Variants in CKAP4 observed in about 807,000 individuals in gnomAD.
CKAP4 encodes the protein cytoskeleton associated protein 4, also known as cytoskeleton-associated protein 4.
A neutral mutation model predicts 24.4 loss-of-function variants in CKAP4; 20 were observed. The ratio of observed to expected loss-of-function variants is 0.82; its 90% CI spans 0.58 to 1.19. The LOEUF is 1.19. Ranked by LOEUF, CKAP4 falls within the 50% of genes most tolerant of loss-of-function variation. The pLI, the probability that CKAP4 is intolerant of heterozygous loss-of-function variation, is 0.00. For missense variants in CKAP4, 744 were observed against 765.3 expected, an observed-to-expected ratio of 0.97 and a Z score of 0.33; for synonymous variants, 378 against 351.7, an observed-to-expected ratio of 1.07 and a Z score of -0.84.
rs1280882764 is a variant in CKAP4 at position 106,247,360 on chromosome 12, G to A, written c.483+9C>T. 6.6e-6 allele frequency: 10 copies of A among 1,521,098 alleles called. No homozygotes were observed. The highest frequency in any genetic ancestry group is 8.8e-6 in the Non-Finnish European group (10 of 1,138,492). 94.2% of individuals were successfully genotyped at this position (1,521,098 alleles called of 1,614,324 possible). ...CGATGGGGACAGTTGCGGGGCCGGG[G>A]GTACCCACCTTCTGCTCGACGCCCT... On this transcript the variant is annotated intron_variant, in intron 1 of 1. Transcript: ENST00000378026. This position sits in a 1 kb window ranked among gnomAD's most constrained non-coding sequence, Gnocchi z 4.5.
rs1443988651 is a variant in CKAP4 at position 106,247,508 on chromosome 12, G to A, written c.344C>T (p.Ala115Val). 1.9e-6 allele frequency: 3 copies of A among 1,542,878 alleles called. No individual in the cohort carries two copies. The highest frequency in any genetic ancestry group is 1.9e-5 in the Admixed American group (1 of 51,480). ...GRALNFLFYL[A>V]LVAAAAFSGW... ...CGAGAAAGCGGCCGCCGCCACCAGG[G>A]CGAGGTAGAAGAGAAAGTTGAGCGC... Residue 115 changes from alanine (A) to valine (V), a missense_variant, in exon 1 of 2, where the codon GCC (alanine) becomes GTC (valine). Coordinates refer to ENST00000378026, the MANE Select transcript of CKAP4 (RefSeq NM_006825.4). The surrounding 1 kb of genome is among the most constrained non-coding windows in gnomAD (Gnocchi z 4.5).
chr12:106,241,458 G>A (rs1274430698), intron 1 of CKAP4, among the ~76,000 whole-genome samples: 18 of 149,512 alleles, frequency 1.2e-4, no homozygotes, highest in East Asian at 2.0e-4. Context: ...TCAGCCTCCC[G>A]AGTAGCTGGG....
chr12:106,241,615 G>A (rs1266195140), intron 1 of CKAP4, among the ~76,000 whole-genome samples: 1 of 152,200 alleles, frequency 6.6e-6, no homozygotes, highest in Admixed American at 6.5e-5. Flanking sequence ...TTACAGGCGT[G>A]AGCCACCGCG....
In CKAP4 at chr12:106,240,321, G is replaced by A. The variant is rs968919393; in HGVS notation, c.512C>T (p.Thr171Ile). ...GGAGCTTCTCAAGATGGACTCAAAAGTTCCAAATGTGGCTTGCAAAGACTG... is the reference window on the plus strand; with the variant it reads ...GGAGCTTCTCAAGATGGACTCAAAAATTCCAAATGTGGCTTGCAAAGACTG... ...KVQSLQATFGTFESILRSSQH... is the reference protein window; with the variant it reads ...KVQSLQATFGIFESILRSSQH... The change falls in exon 2 of 2, where the codon ACT becomes ATT. Residue 171 changes from threonine to isoleucine, a missense_variant. Around this residue, in one of 3 missense-constraint regions of CKAP4, gnomAD observed 300 missense variants for 264.5 expected, o/e 1.13. Transcript: ENST00000378026. 6.2e-7 allele frequency: 1 copy of A among 1,613,300 alleles called. No homozygotes were observed. The highest frequency in any genetic ancestry group is 8.5e-7 in the Non-Finnish European group (1 of 1,179,408).
rs2136533071 is a variant in CKAP4 at position 106,238,627 on chromosome 12, A to G, written c.*397T>C. The G allele has an allele frequency of 6.0e-6, 1 of 165,388 alleles. No homozygotes were observed. The highest frequency in any genetic ancestry group is 1.8e-4 in the South Asian group (1 of 5,440). 10.2% of individuals were successfully genotyped at this position (165,388 alleles called of 1,614,324 possible). ...AAAAAGTAAAATTAATTTTCCTTAAAGACAACTAGAAAGAAAAGGGTCCCC... is the reference window on the plus strand; with the variant it reads ...AAAAAGTAAAATTAATTTTCCTTAAGGACAACTAGAAAGAAAAGGGTCCCC... On this transcript the variant is annotated 3_prime_UTR_variant, in exon 2 of 2. Coordinates refer to ENST00000378026, the MANE Select transcript of CKAP4 (RefSeq NM_006825.4).
Position 106,247,607 on chromosome 12 carries a change from G to A in CKAP4, c.245C>T (p.Ser82Phe), listed in dbSNP as rs1210831734. 2 of 1,345,698 alleles carry A rather than the reference G, an allele frequency of 1.5e-6. No homozygotes were observed. The highest frequency in any genetic ancestry group is 3.3e-5 in the East Asian group (1 of 30,624). 83.4% of individuals were successfully genotyped at this position (1,345,698 alleles called of 1,614,324 possible). The change falls in exon 1 of 2, where the codon TCC becomes TTC. Residue 82 changes from serine (S) to phenylalanine (F), a missense_variant. Ser to Phe is a radical substitution (Grantham distance 155). This residue lies in a region of CKAP4 where 300 missense variants were observed against 264.5 expected (regional missense o/e 1.13). Coordinates refer to ENST00000378026, the MANE Select transcript of CKAP4 (RefSeq NM_006825.4). This position sits in a 1 kb window ranked among gnomAD's most constrained non-coding sequence, Gnocchi z 4.5. ...GGCAGCGGCGGCGGAGGCGGAGGAG[G>A]AGGAGGAGGACTTGCCGCCGCCGCC... ...GGGGGGKSSS[S>F]SSASAAAAAA...
rs1490943230 is a variant in CKAP4 at position 106,238,803 on chromosome 12, C to T, written c.*221G>A. The T allele has an allele frequency of 1.1e-5, 6 of 551,166 alleles. No homozygotes were observed. Among genetic ancestry groups the T allele is most frequent in the Non-Finnish European group, 1.9e-5 (6 of 309,938 alleles). 34.1% of individuals were successfully genotyped at this position (551,166 alleles called of 1,614,324 possible). A position where few individuals can be genotyped will look rare whatever the true frequency, so the allele number is the denominator to read the frequency against. On this transcript the variant is annotated 3_prime_UTR_variant, in exon 2 of 2. Transcript: ENST00000378026. ...AAAAGCCACCTGTTATTCACAGGGGCTGCGCTTCAGGAAACCAACCAAATG... is the reference window on the plus strand; with the variant it reads ...AAAAGCCACCTGTTATTCACAGGGGTTGCGCTTCAGGAAACCAACCAAATG...
rs973546277 is a variant in CKAP4, at chr12:106,247,175, G to A, written c.483+194C>T. Among the ~76,000 whole-genome samples the A allele has an allele frequency of 6.6e-6, 1 of 152,260 alleles. No homozygotes were observed. Among genetic ancestry groups the A allele is most frequent in the South Asian group, 2.1e-4 (1 of 4,822 alleles). On this transcript the variant is annotated intron_variant, in intron 1 of 1. Coordinates refer to ENST00000378026, the MANE Select transcript of CKAP4 (RefSeq NM_006825.4). This position sits in a 1 kb window ranked among gnomAD's most constrained non-coding sequence, Gnocchi z 4.5. ...CCGCAGCCATTAACAAAGGGGGTCT[G>A]GGGACTGCCTCGGAACTAGGGGGCC...
At chr12:106,245,233 G>A (rs1484951554) in intron 1 of CKAP4, among the ~76,000 whole-genome samples, 1 of 152,104 alleles carries the variant, frequency 6.6e-6, no homozygotes, top group South Asian at 2.1e-4. Flanking sequence ...GGATACAGGC[G>A]AAATTCCACA....
Position 106,238,924 on chromosome 12 carries a change from G to T in CKAP4, c.*100C>A. ...TGGTGACAACTGCTCTTTAAGAGGG[G>T]ACAAGAAATTGGGGGGTAGGGGACA... On this transcript the variant is annotated 3_prime_UTR_variant, in exon 2 of 2. Transcript: ENST00000378026. 7.6e-7 allele frequency: 1 copy of T among 1,308,010 alleles called. No homozygotes were observed. Among genetic ancestry groups the T allele is most frequent in the Non-Finnish European group, 1.1e-6 (1 of 935,508 alleles). The allele number at this position is 1,308,010 out of a possible 1,614,324, so 81.0% of individuals were successfully genotyped here. A position where few individuals can be genotyped will look rare whatever the true frequency, so the allele number is the denominator to read the frequency against.
At chr12:106,243,780 A>C (rs2033986132) in intron 1 of CKAP4, among the ~76,000 whole-genome samples, 1 of 152,234 alleles carries the variant, frequency 6.6e-6, no homozygotes, top group Non-Finnish European at 1.5e-5. Flanking sequence ...ACCCAACTCC[A>C]GCTACACAAC....
At chr12:106,244,344 T>C (rs1212233863) in intron 1 of CKAP4, among the ~76,000 whole-genome samples, 2 of 152,250 alleles carry the variant, frequency 1.3e-5, no homozygotes, top group East Asian at 1.9e-4. Flanking sequence ...CAAAGAGGGC[T>C]GATAATAGTA....
intron 1 of CKAP4, 109 bp from the exon 2 acceptor site, chr12:106,240,458 A>G: frequency 7.9e-7 from 1 of 1,266,066 alleles, no homozygotes; most frequent in Non-Finnish European, 1.1e-6. Context: ...CCAGAATGTC[A>G]CCACAATTTT....
rs2034025357 is a variant in CKAP4, at chr12:106,247,610, G to A, written c.242C>T (p.Ser81Phe). The change falls in exon 1 of 2, where the codon TCC becomes TTC. Residue 81 changes from serine (S) to phenylalanine (F), a missense_variant. Coordinates refer to ENST00000378026, the MANE Select transcript of CKAP4 (RefSeq NM_006825.4). This position sits in a 1 kb window ranked among gnomAD's most constrained non-coding sequence, Gnocchi z 4.5. ...AGCGGCGGCGGAGGCGGAGGAGGAG[G>A]AGGAGGACTTGCCGCCGCCGCCGCC... ...GGGGGGGKSS[S>F]SSSASAAAAA... The A allele has an allele frequency of 7.8e-7, 1 of 1,284,506 alleles. No individual in the cohort carries two copies. 79.6% of individuals were successfully genotyped at this position (1,284,506 alleles called of 1,614,324 possible). A position where few individuals can be genotyped will look rare whatever the true frequency, so the allele number is the denominator to read the frequency against.
rs1001350396 is a variant in CKAP4, at chr12:106,242,856, C to T, written c.484-2507G>A. Among the ~76,000 whole-genome samples the T allele has an allele frequency of 3.9e-5, 6 of 152,176 alleles. No individual in the cohort carries two copies. The East Asian group carries it at 9.6e-4, about 24-fold the overall frequency. On this transcript the variant is annotated intron_variant, in intron 1 of 1. Coordinates refer to ENST00000378026, the MANE Select transcript of CKAP4 (RefSeq NM_006825.4). ...TCTGATCCCTGTCAGCCCTGACCTG[C>T]GCTGGCTCTTCACAAATGGTTAGGA...
intron 1 of CKAP4, among the ~76,000 whole-genome samples, chr12:106,243,209 C>A (rs185551582): frequency 1.9e-3 from 285 of 152,354 alleles, no homozygotes; most frequent in African/African-American, 6.5e-3. Context: ...TCAGACACAT[C>A]ATCTCATTAC....
Position 106,247,601 on chromosome 12 carries a change from G to T in CKAP4, c.251C>A (p.Ser84Tyr). 8.0e-7 allele frequency: 1 copy of T among 1,252,938 alleles called. No individual in the cohort carries two copies. 77.6% of individuals were successfully genotyped at this position (1,252,938 alleles called of 1,614,324 possible). A position where few individuals can be genotyped will look rare whatever the true frequency, so the allele number is the denominator to read the frequency against. The change falls in exon 1 of 2, where the codon TCC becomes TAC. Residue 84 changes from serine to tyrosine, a missense_variant. By Grantham distance (144) the Ser-to-Tyr change is moderately radical (BLOSUM62 -2). Transcript: ENST00000378026. The surrounding 1 kb of genome is among the most constrained non-coding windows in gnomAD (Gnocchi z 4.5). ...GGGGKSSSSS[S>Y]ASAAAAAAAA... The stretch of plus-strand genomic sequence containing the variant: ...GGCGGCGGCAGCGGCGGCGGAGGCG[G>T]AGGAGGAGGAGGAGGACTTGCCGCC...
Position 106,240,781 on chromosome 12 carries a change from C to A in CKAP4, c.484-432G>T, listed in dbSNP as rs1248301930. ...GTGAGGATGCAATCAGCCAAACCCA[C>A]AATGTGGAAAATTCTACAGGACAAA... On this transcript the variant is annotated intron_variant, in intron 1 of 1. Transcript: ENST00000378026. Among the ~76,000 whole-genome samples, 3 of 151,930 alleles carry A rather than the reference C, an allele frequency of 2.0e-5. No homozygotes were observed. The East Asian group carries it at 5.8e-4, about 29-fold the overall frequency.
At chr12:106,240,743 G>A (rs2033963231) in intron 1 of CKAP4, among the ~76,000 whole-genome samples, 2 of 151,484 alleles carry the variant, frequency 1.3e-5, no homozygotes, top group South Asian at 4.2e-4. Flanking sequence ...CCATCATGCA[G>A]AAGAGACATG....
Sources: allele counts gnomAD v4.1 joint callset (sites outside exome capture counted in the v4.1 genomes callset), GRCh38; gene constraint gnomAD v4.1.1; regional missense constraint gnomAD v4.1.1; non-coding constraint Gnocchi (gnomAD v3.1); transcripts MANE v1.5; gene names NCBI Gene and HGNC (gene_info 2026-07-23, HGNC 2026-07-21).